The following IDH3A variants were observed in gnomAD, a reference collection of about 807,000 sequenced individuals.
IDH3A encodes isocitrate dehydrogenase (NAD(+)) 3 catalytic subunit alpha.
A neutral mutation model predicts 43.3 loss-of-function variants in IDH3A; 23 were observed. The observed-to-expected ratio is 0.53, with a 90% CI of 0.38 to 0.75. The LOEUF is 0.75. Among genes scored for constraint, IDH3A ranks in the 30% least tolerant of loss-of-function variants. The pLI is 0.00. For synonymous variants in IDH3A, 154 were observed against 163.5 expected, an observed-to-expected ratio of 0.94 and a Z score of 0.44; for missense variants, 329 against 474.4, an observed-to-expected ratio of 0.69 and a Z score of 2.85.
chr15:78,152,230 T>C (rs1422454927), intron 1 of IDH3A, among the ~76,000 whole-genome samples: 3 of 150,978 alleles, frequency 2.0e-5, no homozygotes, highest in Admixed American at 6.6e-5. Context: ...AGCTGATTTT[T>C]GTATTTTTAT....
In IDH3A at chr15:78,161,405, C is replaced by T. The variant is rs554421742; in HGVS notation, c.290-176C>T. Reference sequence around the variant, plus strand: ...CTCAGGAAGTTCTGAAGATAAGAAACGCAGTTAATGTTCCAGAAAGCTCCC... The same window carrying T: ...CTCAGGAAGTTCTGAAGATAAGAAATGCAGTTAATGTTCCAGAAAGCTCCC... On this transcript the variant is annotated intron_variant, in intron 4 of 10. Coordinates refer to ENST00000299518, the MANE Select transcript of IDH3A (RefSeq NM_005530.3). This position sits in a 1 kb window ranked among gnomAD's most constrained non-coding sequence, Gnocchi z 4.8. 1.6e-4 allele frequency among the ~76,000 whole-genome samples: 24 copies of T among 152,200 alleles called. No individual in the cohort carries two copies. The highest frequency in any genetic ancestry group is 2.6e-4 in the Admixed American group (4 of 15,282).
At position 78,170,678 on chromosome 15, in the gene IDH3A, G is replaced by A. The variant is rs2074809267; in HGVS notation, c.*1673G>A. Reference sequence around the variant, plus strand: ...GGTGGCGACAGGCTAACGTAGAGCTGGCTGCTTTTATGAGAATGCGCCACT... The same window carrying A: ...GGTGGCGACAGGCTAACGTAGAGCTAGCTGCTTTTATGAGAATGCGCCACT... On this transcript the variant is annotated 3_prime_UTR_variant, in exon 11 of 11. Transcript: ENST00000299518. 6.6e-6 allele frequency: 1 copy of A among 152,208 alleles called. No homozygotes were observed. Among genetic ancestry groups the A allele is most frequent in the Admixed American group, 6.5e-5 (1 of 15,280 alleles). 9.4% of individuals were successfully genotyped at this position (152,208 alleles called of 1,614,324 possible).
chr15:78,154,204 C>A (rs80171684), intron 1 of IDH3A, among the ~76,000 whole-genome samples: 30 of 121,690 alleles, frequency 2.5e-4, no homozygotes, highest in African/African-American at 5.1e-4. Flanking sequence ...AAAAAAAAAA[C>A]ACGTACCAGT....
rs1169042739 is a variant in IDH3A at position 78,171,781 on chromosome 15, T to C, written c.*2776T>C. ...AGGGTTGGTATGTCACCTCTGAGAA[T>C]AGGTTATAAAAGATCAGTTTCTTTT... On this transcript the variant is annotated 3_prime_UTR_variant, in exon 11 of 11. Coordinates refer to ENST00000299518, the MANE Select transcript of IDH3A (RefSeq NM_005530.3). 2.8e-6 allele frequency: 1 copy of C among 363,312 alleles called. No homozygotes were observed. The highest frequency in any genetic ancestry group is 4.6e-5 in the South Asian group (1 of 21,834). 22.5% of individuals were successfully genotyped at this position (363,312 alleles called of 1,614,324 possible).
chr15:78,158,463 A>ATATATATATATATATATAT (rs1212083496), intron 3 of IDH3A, among the ~76,000 whole-genome samples: 1 of 67,386 alleles, frequency 1.5e-5, no homozygotes, highest in Non-Finnish European at 3.0e-5. Flanking sequence ...ATATATATAT[A>ATATATATATATATATATAT]TTTTTTTTTT....
intron 3 of IDH3A, among the ~76,000 whole-genome samples, chr15:78,159,600 TA>T (rs1394035553): frequency 6.6e-6 from 1 of 152,200 alleles, no homozygotes; most frequent in South Asian, 2.1e-4. Flanking sequence ...TGGGCACAGA[TA>T]ATGTAGAGAA....
At chr15:78,168,787 C>T in intron 10 of IDH3A, 135 bp from the exon 11 acceptor site, 1 of 641,076 alleles carries the variant, frequency 1.6e-6, no homozygotes, top group Non-Finnish European at 2.8e-6. Flanking sequence ...TGGTTCCTCA[C>T]TTTGAAATGA....
Position 78,171,428 on chromosome 15 carries a change from C to A in IDH3A, c.*2423C>A. 1 of 1,609,318 alleles carries A rather than the reference C, an allele frequency of 6.2e-7. No homozygotes were observed. The highest frequency in any genetic ancestry group is 8.5e-7 in the Non-Finnish European group (1 of 1,175,806). ...CCTGCCCTCTATTCTATAGAAACTG[C>A]AGGCATAGGCCCTGATTACATTTTT... On this transcript the variant is annotated 3_prime_UTR_variant, in exon 11 of 11. Coordinates refer to ENST00000299518, the MANE Select transcript of IDH3A (RefSeq NM_005530.3).
intron 10 of IDH3A, chr15:78,166,612 T>C (rs756631419): frequency 2.7e-5 from 8 of 301,234 alleles, no homozygotes; most frequent in African/African-American, 4.2e-5. Flanking sequence ...ATCCTATTGT[T>C]AGCTGTGTGA....
chr15:78,155,230 G>A lies in IDH3A; in HGVS notation c.45G>A (p.Gly15=), dbSNP rs759830050. The change falls in exon 2 of 11, where the codon GGG becomes GGA. Residue 15 remains glycine (G), a synonymous_variant. Transcript: ENST00000299518. ...TAATATAGGTCTCTCGGCTGCTGGG[G>A]GCATTCCACAACCCAAAACAGGTGA... is the stretch of plus-strand genomic sequence containing the variant. ...AWISKVSRLL[G]AFHNPKQVTR... is the part of the protein sequence containing the mutation. 1.9e-6 allele frequency: 3 copies of A among 1,612,330 alleles called. No homozygotes were observed. The highest frequency in any genetic ancestry group is 2.7e-5 in the African/African-American group (2 of 74,864).
chr15:78,168,841 TCTCA>T lies in IDH3A; in HGVS notation c.1018-78_1018-75del, dbSNP rs1175294603. ...AGCCGAGTAACTTGCCCAGGTGGCA[TCTCA>T]CTGAGGGCTTTAAAATCTCCTTGGT... On this transcript the variant is annotated intron_variant, in intron 10 of 10. Transcript: ENST00000299518. 3 of 853,174 alleles carry T rather than the reference TCTCA, an allele frequency of 3.5e-6. No homozygotes were observed. The African/African-American group carries it at 5.0e-5, about 14-fold the overall frequency. The allele number at this position is 853,174 out of a possible 1,614,324, so 52.9% of individuals were successfully genotyped here. A position where few individuals can be genotyped will look rare whatever the true frequency, so the allele number is the denominator to read the frequency against.
intron 9 of IDH3A, among the ~76,000 whole-genome samples, chr15:78,165,761 T>C (rs970038862): frequency 6.6e-6 from 1 of 152,064 alleles, no homozygotes. Context: ...TGATCATAGC[T>C]CACTGCAGGC....
Position 78,163,703 on chromosome 15 carries a change from G to A in IDH3A, c.715-13G>A, listed in dbSNP as rs745858762. 1.2e-6 allele frequency: 2 copies of A among 1,608,708 alleles called. No homozygotes were observed. Among genetic ancestry groups the A allele is most frequent in the East Asian group, 2.2e-5 (1 of 44,818 alleles). The stretch of plus-strand genomic sequence containing the variant: ...GATTTTGATTACTAAATGCACAAAT[G>A]TATTCCTTGTAGATGGTACAAGATC... On this transcript the variant is annotated splice_polypyrimidine_tract_variant and intron_variant, in intron 7 of 10. Coordinates refer to ENST00000299518, the MANE Select transcript of IDH3A (RefSeq NM_005530.3).
chr15:78,154,846 CCTAA>C, intron 1 of IDH3A: 1 of 165,198 alleles, frequency 6.1e-6, no homozygotes, highest in Non-Finnish European at 1.3e-5. Context: ...ATATGTTACC[CCTAA>C]ATTGACCGAA....
chr15:78,150,554 G>A (rs2074565476), intron 1 of IDH3A, among the ~76,000 whole-genome samples: 1 of 152,198 alleles, frequency 6.6e-6, no homozygotes, highest in Non-Finnish European at 1.5e-5. Context: ...TCCTAGCAAT[G>A]CCACTGATTG....
At chr15:78,163,225 G>A (rs1431285514) in intron 6 of IDH3A, among the ~76,000 whole-genome samples, 1 of 152,138 alleles carries the variant, frequency 6.6e-6, no homozygotes, top group East Asian at 1.9e-4. Flanking sequence ...AATAATATTA[G>A]TGGGTATTTC....
At position 78,152,517 on chromosome 15, in the gene IDH3A, C is replaced by T. The variant is rs372102782; in HGVS notation, c.28-2696C>T. On this transcript the variant is annotated intron_variant, in intron 1 of 10. Transcript: ENST00000299518. ...CTGGGATTACAGGCATGTGCCACCA[C>T]GCCTGGCTAATTTTGTATTTTTAGT... Among the ~76,000 whole-genome samples the T allele has an allele frequency of 5.9e-5, 9 of 151,896 alleles. No individual in the cohort carries two copies. In the East Asian group the frequency reaches 9.7e-4, roughly 16 times the overall value.
At chr15:78,157,916 A>G (rs1596376934) in intron 3 of IDH3A, among the ~76,000 whole-genome samples, 2 of 146,610 alleles carry the variant, frequency 1.4e-5, no homozygotes, top group South Asian at 4.3e-4. Context: ...TCCCACCTTC[A>G]CCTCCCAAAG....
At chr15:78,167,849 T>A (rs141036182) in intron 10 of IDH3A, 1 of 152,228 alleles carries the variant, frequency 6.6e-6, no homozygotes, top group East Asian at 1.9e-4. Flanking sequence ...TTTGAAATTA[T>A]ATCGTGTGGC....
Sources: gnomAD v4.1 joint callset for allele counts (sites outside exome capture counted in the v4.1 genomes callset) on GRCh38, gnomAD v4.1.1 for gene constraint, Gnocchi (gnomAD v3.1) non-coding constraint, MANE v1.5 for transcripts, NCBI Gene and HGNC (gene_info 2026-07-23, HGNC 2026-07-21) for gene names.